Variants in TANC1 observed in about 807,000 individuals in gnomAD.
TANC1 encodes the protein tetratricopeptide repeat, ankyrin repeat and coiled-coil containing 1.
A neutral mutation model predicts 149.7 loss-of-function variants in TANC1; 77 were observed. The ratio of observed to expected loss-of-function variants is 0.51; its 90% CI spans 0.43 to 0.62. The LOEUF (loss-of-function observed/expected upper bound fraction) is 0.62, where lower values mean the gene tolerates loss of function less well. TANC1 is among the 20% of genes least tolerant of loss of function. The pLI is 0.00. For synonymous variants in TANC1, 854 were observed against 925.0 expected, an observed-to-expected ratio of 0.92 and a Z score of 1.39; for missense variants, 1,985 against 2,321.8, an observed-to-expected ratio of 0.85 and a Z score of 2.98.
intron 4 of TANC1, among the ~76,000 whole-genome samples, chr2:159,120,280 G>A (rs1199474827): frequency 1.3e-5 from 2 of 152,176 alleles, no homozygotes; most frequent in Admixed American, 6.5e-5. Flanking sequence ...GAAATGAGAT[G>A]GCAGTCCTTA....
chr2:159,170,422 G>T lies in TANC1; in HGVS notation c.1070-102G>T, dbSNP rs1332653591. 11 of 1,082,928 alleles carry T rather than the reference G, an allele frequency of 1.0e-5. No individual in the cohort carries two copies. In the East Asian group the frequency reaches 2.6e-4, roughly 25 times the overall value. 67.1% of individuals were successfully genotyped at this position (1,082,928 alleles called of 1,614,324 possible). ...TGCTTACAGACAGATCCTAGTGGGG[G>T]TAAAGCTAAGGATTTAGTGTAACAC... On this transcript the variant is annotated intron_variant, in intron 9 of 26. Coordinates refer to ENST00000263635, the MANE Select transcript of TANC1 (RefSeq NM_033394.3).
At chr2:159,208,587 G>A (rs58720358) in intron 19 of TANC1, among the ~76,000 whole-genome samples, 3,844 of 152,260 alleles carry the variant, frequency 0.025, 80 homozygotes, top group East Asian at 0.052. Context: ...GTTCATGTCT[G>A]TCGGCAGAGG....
chr2:159,073,728 A>G (rs1288316734), intron 3 of TANC1, among the ~76,000 whole-genome samples: 3 of 152,186 alleles, frequency 2.0e-5, no homozygotes, highest in African/African-American at 7.2e-5. Context: ...CTTAATTCCC[A>G]TAAAAAGTTT....
chr2:159,184,442 C>T (rs530255095), intron 14 of TANC1, among the ~76,000 whole-genome samples: 6 of 152,202 alleles, frequency 3.9e-5, no homozygotes, highest in East Asian at 3.9e-4. Flanking sequence ...ACTTTAGGCC[C>T]GGCCACCAAG....
At chr2:159,118,464 A>C (rs2048522830) in intron 4 of TANC1, among the ~76,000 whole-genome samples, 1 of 152,102 alleles carries the variant, frequency 6.6e-6, no homozygotes, top group African/African-American at 2.4e-5. Context: ...CCAGTGTTGT[A>C]CTTGGGTGTG....
chr2:159,054,319 A>G (rs1026355056), intron 2 of TANC1, among the ~76,000 whole-genome samples: 1 of 152,170 alleles, frequency 6.6e-6, no homozygotes, highest in African/African-American at 2.4e-5. Context: ...TTTAATCAGT[A>G]TATGCATGGT....
intron 2 of TANC1, among the ~76,000 whole-genome samples, chr2:159,047,383 TAAAGA>T (rs1426453916): frequency 2.2e-4 from 33 of 152,076 alleles, no homozygotes; most frequent in Non-Finnish European, 2.6e-4. Flanking sequence ...ATTTCCTAAA[TAAAGA>T]AGGAAAACGC....
intron 2 of TANC1, among the ~76,000 whole-genome samples, chr2:159,007,572 C>G (rs909641091): frequency 6.6e-6 from 1 of 152,180 alleles, no homozygotes; most frequent in African/African-American, 2.4e-5. Context: ...GAGCAATAGT[C>G]TCTACCACAG....
chr2:159,136,127 CTG>C (rs2150203996), intron 4 of TANC1, 65 bp from the exon 5 acceptor site: 2 of 972,948 alleles, frequency 2.1e-6, no homozygotes, highest in South Asian at 2.6e-5. Flanking sequence ...AGGACACACA[CTG>C]TACATTCCAA....
chr2:159,062,991 A>AAAAAAAAAAAAAAAAG (rs1553534848), intron 2 of TANC1, among the ~76,000 whole-genome samples: 2 of 147,088 alleles, frequency 1.4e-5, no homozygotes, highest in Non-Finnish European at 3.0e-5. Flanking sequence ...AAAAAAAAAA[A>AAAAAAAAAAAAAAAAG]AAAAGAAAGC....
chr2:159,158,740 T>G (rs1236315749), intron 7 of TANC1, among the ~76,000 whole-genome samples: 1 of 152,208 alleles, frequency 6.6e-6, no homozygotes, highest in African/African-American at 2.4e-5. Context: ...GCTTTACTCC[T>G]AAGTTTCCTG....
At chr2:159,150,616 C>T in intron 7 of TANC1, 60 bp downstream of exon 7, 1 of 1,335,960 alleles carries the variant, frequency 7.5e-7, no homozygotes, top group Admixed American at 1.7e-5. Context: ...GAGCATTCAC[C>T]AGGCACTTCC....
intron 19 of TANC1, among the ~76,000 whole-genome samples, chr2:159,200,741 C>T (rs935267145): frequency 4.6e-5 from 7 of 152,176 alleles, no homozygotes; most frequent in African/African-American, 1.7e-4. Flanking sequence ...CAGGATCTTA[C>T]CAGGCTCCTA....
At chr2:159,034,070 A>C (rs1198603637) in intron 2 of TANC1, among the ~76,000 whole-genome samples, 2 of 152,236 alleles carry the variant, frequency 1.3e-5, no homozygotes, top group African/African-American at 2.4e-5. Context: ...CTTCTCATAT[A>C]GTTAACACTT....
chr2:159,175,470 T>G (rs1381828115), intron 12 of TANC1, among the ~76,000 whole-genome samples: 1 of 152,172 alleles, frequency 6.6e-6, no homozygotes, highest in Non-Finnish European at 1.5e-5. Context: ...GCTGTTTAGG[T>G]GACTTGCACC....
intron 4 of TANC1, among the ~76,000 whole-genome samples, chr2:159,115,079 C>A (rs1366728393): frequency 6.6e-6 from 1 of 152,098 alleles, no homozygotes; most frequent in Non-Finnish European, 1.5e-5. Flanking sequence ...CCCAGTTTGG[C>A]AAGAGATGAC....
chr2:159,136,047 T>TGTGTGTGTGTGTGC (rs1457762905), intron 4 of TANC1, 147 bp from the exon 5 acceptor site: 6,654 of 210,834 alleles, frequency 0.032, 853 homozygotes, highest in Non-Finnish European at 0.038. Flanking sequence ...TGTGTGTGTG[T>TGTGTGTGTGTGTGC]GTGCGCGCGC....
chr2:159,219,478 A>C lies in TANC1; in HGVS notation c.3502+117A>C, dbSNP rs1048989429. On this transcript the variant is annotated intron_variant, in intron 21 of 26. Transcript: ENST00000263635. The stretch of plus-strand genomic sequence containing the variant: ...GTTTTCTGTTAATGGAAATTTTCTA[A>C]TAAACAGTAGAGAGAATAGGCAACA... 3 of 1,472,508 alleles carry C rather than the reference A, an allele frequency of 2.0e-6. No individual in the cohort carries two copies. In the African/African-American group the frequency reaches 4.2e-5, roughly 21 times the overall value. The allele number at this position is 1,472,508 out of a possible 1,614,324, so 91.2% of individuals were successfully genotyped here. A position where few individuals can be genotyped will look rare whatever the true frequency, so the allele number is the denominator to read the frequency against.
chr2:159,183,221 T>C (rs560177760), intron 14 of TANC1, among the ~76,000 whole-genome samples: 200 of 152,326 alleles, frequency 1.3e-3, no homozygotes, highest in Non-Finnish European at 2.3e-3. Flanking sequence ...GTGGCATTGC[T>C]CTTGGGAAGG....
Sources: allele counts gnomAD v4.1 joint callset (sites outside exome capture counted in the v4.1 genomes callset), GRCh38; gene constraint gnomAD v4.1.1; transcripts MANE v1.5; gene names NCBI Gene and HGNC (gene_info 2026-07-23, HGNC 2026-07-21).